FAM83H: variants seen among roughly 807,000 people sequenced by gnomAD.
FAM83H encodes scaffolding CK1 anchoring protein H, also known as protein FAM83H.
In FAM83H, 24 loss-of-function variants were observed where a neutral mutation model predicts 30.2. The observed-to-expected ratio is 0.79, with a 90% CI of 0.57 to 1.12. FAM83H has a LOEUF of 1.12. FAM83H is among the 50% of genes most tolerant of loss of function. The pLI is 0.00. For missense variants in FAM83H, 2,038 were observed against 1,773.9 expected (o/e 1.15, Z -2.67); for synonymous variants, 1,013 against 821.7 (o/e 1.23, Z -3.98).
chr8:143,726,254 G>A lies in FAM83H; in HGVS notation c.3207C>T (p.Pro1069=), dbSNP rs782787178. 3.7e-6 allele frequency: 6 copies of A among 1,612,278 alleles called. No homozygotes were observed. Among genetic ancestry groups the A allele is most frequent in the Admixed American group, 1.7e-5 (1 of 59,972 alleles). Residue 1069 remains proline, a synonymous_variant, in exon 5 of 5, where the codon CCC becomes CCT. Coordinates refer to ENST00000388913, the MANE Select transcript of FAM83H (RefSeq NM_198488.5). ...CAGCAGCCGGTGGACGGCCTAGCTC[G>A]GGGCTGTTGTGGGTCGGGCCGGGGC... is the stretch of plus-strand genomic sequence containing the variant. ...APSPGPTHNS[P]ELGRPPAAGV... is the part of the protein sequence containing the mutation.
At position 143,727,124 on chromosome 8, in the gene FAM83H, C is replaced by A; in HGVS notation, c.2337G>T (p.Val779=). ...TCTCGAGGCTGCGGCGCTCGCCCCC[C>A]ACGGCACCTGGGGCCGCCACCTCTT... ...WREEVAAPGA[V]GGERRSLESC... Residue 779 remains valine (V), a synonymous_variant, in exon 5 of 5, where the codon GTG becomes GTT. Coordinates refer to ENST00000388913, the MANE Select transcript of FAM83H (RefSeq NM_198488.5). The A allele has an allele frequency of 1.3e-6, 2 of 1,534,952 alleles. No homozygotes were observed. The highest frequency in any genetic ancestry group is 1.2e-5 in the South Asian group (1 of 84,118).
In FAM83H at chr8:143,726,711, G is replaced by T; in HGVS notation, c.2750C>A (p.Pro917His). The T allele has an allele frequency of 6.2e-7, 1 of 1,606,472 alleles. No homozygotes were observed. The highest frequency in any genetic ancestry group is 8.5e-7 in the Non-Finnish European group (1 of 1,178,178). Residue 917 changes from proline (P) to histidine (H), a missense_variant, in exon 5 of 5, where the codon CCC becomes CAC. Pro to His is a moderately conservative substitution (Grantham distance 77). Transcript: ENST00000388913. ...ACTGCTCCTGCGCTCCGGCACGGGGGGCACCGGACTACCCCTGCGCTCGGG... is the reference window on the plus strand; with the variant it reads ...ACTGCTCCTGCGCTCCGGCACGGGGTGCACCGGACTACCCCTGCGCTCGGG... ...AYPERRGSPV[P>H]PVPERRSSPV...
rs1383108580 is a variant in FAM83H, at chr8:143,728,248, C to T, written c.1213G>A (p.Asp405Asn). The T allele has an allele frequency of 5.7e-6, 9 of 1,572,388 alleles. No homozygotes were observed. Among genetic ancestry groups the T allele is most frequent in the African/African-American group, 1.4e-5 (1 of 73,386 alleles). Reference protein sequence around the residue: ...GFFQARHLEMDAFKRHSFATE... With the variant: ...GFFQARHLEMNAFKRHSFATE... ...GCGAAGCTGTGCCGCTTGAAGGCGT[C>T]CATCTCCAGGTGCCGCGCCTGGAAG... The change falls in exon 5 of 5, where the codon GAC (aspartate) becomes AAC (asparagine). Residue 405 changes from aspartate to asparagine, a missense_variant. Coordinates refer to ENST00000388913, the MANE Select transcript of FAM83H (RefSeq NM_198488.5).
chr8:143,726,679 G>A lies in FAM83H; in HGVS notation c.2782C>T (p.Pro928Ser), dbSNP rs782412107. ...PVPERRSSPV[P>S]PVPERRGSLT... The stretch of plus-strand genomic sequence containing the variant: ...CTGCCCCTGCGCTCCGGCACGGGGG[G>A]CACCGGACTGCTCCTGCGCTCCGGC... The change falls in exon 5 of 5, where the codon CCC (proline) becomes TCC (serine). Residue 928 changes from proline (P) to serine (S), a missense_variant. Pro to Ser is a moderately conservative substitution (Grantham distance 74). Coordinates refer to ENST00000388913, the MANE Select transcript of FAM83H (RefSeq NM_198488.5). The A allele has an allele frequency of 1.1e-5, 17 of 1,597,334 alleles. No individual in the cohort carries two copies. In the Admixed American group the frequency reaches 2.0e-4, roughly 19 times the overall value.
Position 143,725,156 on chromosome 8 carries a change from C to CGGGGGGGGGGGGGGGGGGGG in FAM83H, c.*764_*765insCCCCCCCCCCCCCCCCCCCC, listed in dbSNP as rs549881150. On this transcript the variant is annotated 3_prime_UTR_variant, in exon 5 of 5. Coordinates refer to ENST00000388913, the MANE Select transcript of FAM83H (RefSeq NM_198488.5). Reference sequence around the variant, plus strand: ...AAGCCCAGGCGGGGGAGGGGGGAGACGGGGGGGGGGGGGGGGGAGGGAAGG... The same window carrying CGGGGGGGGGGGGGGGGGGGG: ...AAGCCCAGGCGGGGGAGGGGGGAGACGGGGGGGGGGGGGGGGGGGGGGGGGGGGGGGGGGGGGAGGGAAGG... The CGGGGGGGGGGGGGGGGGGGG allele has an allele frequency of 1.6e-4, 6 of 37,568 alleles. No individual in the cohort carries two copies. Among genetic ancestry groups the CGGGGGGGGGGGGGGGGGGGG allele is most frequent in the Admixed American group, 4.7e-4 (2 of 4,222 alleles). The allele number at this position is 37,568 out of a possible 1,614,324, so 2.3% of individuals were successfully genotyped here. A position where few individuals can be genotyped will look rare whatever the true frequency, so the allele number is the denominator to read the frequency against.
intron 1 of FAM83H, chr8:143,732,398 G>A (rs1818556071): frequency 1.0e-6 from 1 of 985,394 alleles, no homozygotes. Context: ...GGGCCGAGGA[G>A]CCCACTCACC....
Position 143,733,084 on chromosome 8 carries a change from C to T in FAM83H, c.-16+607G>A, listed in dbSNP as rs986738702. 1 of 154,714 alleles carries T rather than the reference C, an allele frequency of 6.5e-6. No individual in the cohort carries two copies. The highest frequency in any genetic ancestry group is 1.5e-5 in the Non-Finnish European group (1 of 68,420). The allele number at this position is 154,714 out of a possible 1,614,324, so 9.6% of individuals were successfully genotyped here. Reference sequence around the variant, plus strand: ...CTCTAGGCGGCGGAAAGGTGGGGTGCGGAGGACGGGGCTCACAGACCGGAA... The same window carrying T: ...CTCTAGGCGGCGGAAAGGTGGGGTGTGGAGGACGGGGCTCACAGACCGGAA... On this transcript the variant is annotated intron_variant, in intron 1 of 4. Transcript: ENST00000388913. This position sits in a 1 kb window ranked among gnomAD's most constrained non-coding sequence, Gnocchi z 5.6.
At position 143,726,132 on chromosome 8, in the gene FAM83H, G is replaced by A. The variant is rs1554621580; in HGVS notation, c.3329C>T (p.Pro1110Leu). ...CCGATCGCGCTCCTCCGCGCTGGCT[G>A]GCAGCGTGCGGCTCAGCCGGCCCTG... is the stretch of plus-strand genomic sequence containing the variant. ...GTQGRLSRTL[P>L]ASAEERDRLL... The change falls in exon 5 of 5, where the codon CCA becomes CTA. Residue 1110 changes from proline to leucine, a missense_variant. Coordinates refer to ENST00000388913, the MANE Select transcript of FAM83H (RefSeq NM_198488.5). 2 of 1,611,464 alleles carry A rather than the reference G, an allele frequency of 1.2e-6. No homozygotes were observed. The highest frequency in any genetic ancestry group is 1.7e-6 in the Non-Finnish European group (2 of 1,179,352).
chr8:143,730,626 G>C (rs542938244), intron 1 of FAM83H, 29 bp from the exon 2 acceptor site: 14 of 1,453,274 alleles, frequency 9.6e-6, no homozygotes, highest in Non-Finnish European at 1.0e-5. Context: ...ACATGACTAG[G>C]GGTGGGGGCA....
chr8:143,728,223 G>A lies in FAM83H; in HGVS notation c.1238C>T (p.Ala413Val). 2 of 1,593,090 alleles carry A rather than the reference G, an allele frequency of 1.3e-6. No homozygotes were observed. The highest frequency in any genetic ancestry group is 2.3e-5 in the East Asian group (1 of 44,194). The change falls in exon 5 of 5, where the codon GCG (alanine) becomes GTG (valine). Residue 413 changes from alanine to valine, a missense_variant. Physicochemically the swap from Ala to Val is moderately conservative, Grantham distance 64. Coordinates refer to ENST00000388913, the MANE Select transcript of FAM83H (RefSeq NM_198488.5). The stretch of plus-strand genomic sequence containing the variant: ...CTCCACGGCGCCCGCGCCCTCGGTC[G>A]CGAAGCTGTGCCGCTTGAAGGCGTC... ...EMDAFKRHSF[A>V]TEGAGAVENF... is the part of the protein sequence containing the mutation.
rs1282297760 is a variant in FAM83H, at chr8:143,726,558, C to T, written c.2903G>A (p.Arg968His). ...CTTGGGGCTCAGCAGCTGCCTAAGACGCAAGGAGCCTTTGCGCAGGACTTC... is the reference window on the plus strand; with the variant it reads ...CTTGGGGCTCAGCAGCTGCCTAAGATGCAAGGAGCCTTTGCGCAGGACTTC... ...PMEVLRKGSL[R>H]LRQLLSPKGE... The change falls in exon 5 of 5, where the codon CGT becomes CAT. Residue 968 changes from arginine (R) to histidine (H), a missense_variant. By Grantham distance (29) the Arg-to-His change is conservative. Coordinates refer to ENST00000388913, the MANE Select transcript of FAM83H (RefSeq NM_198488.5). The T allele has an allele frequency of 3.1e-6, 5 of 1,603,620 alleles. No individual in the cohort carries two copies. The South Asian group carries it at 3.3e-5, about 11-fold the overall frequency.
In FAM83H at chr8:143,728,030, G is replaced by A. The variant is rs374749010; in HGVS notation, c.1431C>T (p.Arg477=). 3.7e-5 allele frequency: 60 copies of A among 1,605,776 alleles called. No homozygotes were observed. The highest frequency in any genetic ancestry group is 2.8e-4 in the African/African-American group (21 of 74,776). The change falls in exon 5 of 5, where the codon CGC becomes CGT. Residue 477 remains arginine (R), a synonymous_variant. Coordinates refer to ENST00000388913, the MANE Select transcript of FAM83H (RefSeq NM_198488.5). ...GGTCCGCGAAACCCGCGCGGCCCCC[G>A]CGAAGCTTCTCGAACAGGCCTTGCG... ...ARPQGLFEKL[R]GGRAGFADPD...
Position 143,728,333 on chromosome 8 carries a change from G to C in FAM83H, c.1128C>G (p.Leu376=), listed in dbSNP as rs1818386867. The C allele has an allele frequency of 1.3e-5, 19 of 1,454,630 alleles. No homozygotes were observed. The highest frequency in any genetic ancestry group is 2.9e-5 in the East Asian group (1 of 34,894). 90.1% of individuals were successfully genotyped at this position (1,454,630 alleles called of 1,614,324 possible). ...CGGCCTCGGCCTCCAGGCGCCGCGA[G>C]AGCGGCCGCAGCCCCGCGTGCGGTT... is the stretch of plus-strand genomic sequence containing the variant. ...ALEPHAGLRP[L]SRRLEAEAGP... The change falls in exon 5 of 5, where the codon CTC becomes CTG. Residue 376 remains leucine (L), a synonymous_variant. Transcript: ENST00000388913.
rs1818205464 is a variant in FAM83H, at chr8:143,724,371, T to C, written c.*1550A>G. The C allele has an allele frequency of 6.6e-6, 1 of 152,132 alleles. No homozygotes were observed. Among genetic ancestry groups the C allele is most frequent in the Non-Finnish European group, 1.5e-5 (1 of 68,022 alleles). The allele number at this position is 152,132 out of a possible 1,614,324, so 9.4% of individuals were successfully genotyped here. A position where few individuals can be genotyped will look rare whatever the true frequency, so the allele number is the denominator to read the frequency against. ...TTTATTACACTAAAAAAAAAATTAG[T>C]TTTTGAAAAGAAATAGGAGAATACA... On this transcript the variant is annotated 3_prime_UTR_variant, in exon 5 of 5. Coordinates refer to ENST00000388913, the MANE Select transcript of FAM83H (RefSeq NM_198488.5).
Position 143,726,960 on chromosome 8 carries a change from C to A in FAM83H, c.2501G>T (p.Arg834Leu), listed in dbSNP as rs1409733268. ...TGAGTGGCTCTGGGCAGAGAGGAAG[C>A]GGGAAGGCAGGCGGTCGGAGCCGCT... ...GRSGSDRLPS[R>L]FLSAQSHSTS... Residue 834 changes from arginine (R) to leucine (L), a missense_variant, in exon 5 of 5, where the codon CGC becomes CTC. Transcript: ENST00000388913. 1.2e-6 allele frequency: 2 copies of A among 1,608,554 alleles called. No individual in the cohort carries two copies. The highest frequency in any genetic ancestry group is 1.7e-5 in the Admixed American group (1 of 59,566).
At chr8:143,732,264 ATTTC>A (rs1818548711) in intron 1 of FAM83H, 1 of 985,282 alleles carries the variant, frequency 1.0e-6, no homozygotes, top group Non-Finnish European at 1.2e-6. Flanking sequence ...CTGTCCCAAC[ATTTC>A]TTTGTTGGGG....
rs1554624143 is a variant in FAM83H, at chr8:143,730,410, G to A, written c.173C>T (p.Pro58Leu). ...TCGGCTCACATGTTCCAGCTCTTCA[G>A]GGCACAGGAAGTCTGGTGCCCCCTC... ...ATEGAPDFLCPEELEHVSRHL... is the reference protein window; with the variant it reads ...ATEGAPDFLCLEELEHVSRHL... Residue 58 changes from proline to leucine, a missense_variant, in exon 2 of 5, where the codon CCT (proline) becomes CTT (leucine). By Grantham distance (98) the Pro-to-Leu change is moderately conservative. Transcript: ENST00000388913. The A allele has an allele frequency of 6.2e-7, 1 of 1,613,170 alleles. No homozygotes were observed. Among genetic ancestry groups the A allele is most frequent in the East Asian group, 2.2e-5 (1 of 44,880 alleles).
Position 143,728,222 on chromosome 8 carries a change from C to A in FAM83H, c.1239G>T (p.Ala413=). The part of the protein sequence containing the change: ...EMDAFKRHSF[A]TEGAGAVENF... Reference sequence around the variant, plus strand: ...TCTCCACGGCGCCCGCGCCCTCGGTCGCGAAGCTGTGCCGCTTGAAGGCGT... The same window carrying A: ...TCTCCACGGCGCCCGCGCCCTCGGTAGCGAAGCTGTGCCGCTTGAAGGCGT... The change falls in exon 5 of 5, where the codon GCG becomes GCT. Residue 413 remains alanine, a synonymous_variant. Transcript: ENST00000388913. 6.3e-7 allele frequency: 1 copy of A among 1,594,712 alleles called. No homozygotes were observed. Among genetic ancestry groups the A allele is most frequent in the Non-Finnish European group, 8.5e-7 (1 of 1,175,592 alleles).
At position 143,727,682 on chromosome 8, in the gene FAM83H, C is replaced by A. The variant is rs782002232; in HGVS notation, c.1779G>T (p.Glu593Asp). ...LASYLSGCHG[E>D]DGGDDGLPAP... ...CCGGTAGGCCGTCGTCGCCCCCATC[C>A]TCGCCGTGGCAGCCGCTCAAGTAGG... The change falls in exon 5 of 5, where the codon GAG becomes GAT. Residue 593 changes from glutamate (E) to aspartate (D), a missense_variant. Physicochemically the swap from Glu to Asp is conservative, Grantham distance 45. Transcript: ENST00000388913. 5.2e-5 allele frequency: 82 copies of A among 1,564,888 alleles called. No individual in the cohort carries two copies. The highest frequency in any genetic ancestry group is 2.7e-5 in the African/African-American group (2 of 72,776).
Sources: allele counts gnomAD v4.1 joint callset, GRCh38; gene constraint gnomAD v4.1.1; non-coding constraint Gnocchi (gnomAD v3.1); transcripts MANE v1.5; gene names NCBI Gene and HGNC (gene_info 2026-07-23, HGNC 2026-07-21).